The following NTNG1 variants were observed in gnomAD, a reference collection of about 807,000 sequenced individuals.
NTNG1 encodes the protein netrin G1, also known as netrin-G1.
A neutral mutation model predicts 54.0 loss-of-function variants in NTNG1; 16 were observed. That is an observed-to-expected ratio of 0.30 (90% CI 0.20 to 0.45). The LOEUF is 0.45. Among genes scored for constraint, NTNG1 ranks in the 20% least tolerant of loss-of-function variants. The pLI, the probability that NTNG1 is intolerant of heterozygous loss-of-function variation, is 1.00. For synonymous variants in NTNG1, 255 were observed against 263.1 expected (o/e 0.97, Z 0.30); for missense variants, 530 against 678.7 (o/e 0.78, Z 2.43).
intron 2 of NTNG1, among the ~76,000 whole-genome samples, chr1:107,307,102 T>C (rs1429809585): frequency 1.3e-5 from 2 of 152,210 alleles, no homozygotes; most frequent in Non-Finnish European, 2.9e-5. Flanking sequence ...TACTAAGAGA[T>C]AGGTATGATA....
chr1:107,183,068 A>G (rs180821145), intron 2 of NTNG1, among the ~76,000 whole-genome samples: 2 of 152,318 alleles, frequency 1.3e-5, no homozygotes, highest in Non-Finnish European at 2.9e-5. Flanking sequence ...GTAACAGAAG[A>G]CTGAACCGAT....
intron 2 of NTNG1, among the ~76,000 whole-genome samples, chr1:107,235,412 G>A (rs758329955): frequency 3.2e-4 from 49 of 152,292 alleles, no homozygotes; most frequent in Non-Finnish European, 5.4e-4. Context: ...AGCCGCTGGA[G>A]CCACATACTG....
At chr1:107,447,158 T>C (rs1676355339) in intron 7 of NTNG1, among the ~76,000 whole-genome samples, 1 of 152,084 alleles carries the variant, frequency 6.6e-6, no homozygotes, top group South Asian at 2.1e-4. Flanking sequence ...TGATGAAATA[T>C]TGATTTTATT....
chr1:107,241,783 T>C (rs777532259), intron 2 of NTNG1, among the ~76,000 whole-genome samples: 3 of 152,160 alleles, frequency 2.0e-5, no homozygotes, highest in Non-Finnish European at 4.4e-5. Flanking sequence ...GCCAGGAACA[T>C]ATTTTAGGGC....
At chr1:107,189,419 C>G (rs1425121583) in intron 2 of NTNG1, among the ~76,000 whole-genome samples, 1 of 134,410 alleles carries the variant, frequency 7.4e-6, no homozygotes, top group Non-Finnish European at 1.6e-5. Context: ...ATGTAAGTAA[C>G]TCTTAGTTTT....
At chr1:107,244,605 T>C (rs933705441) in intron 2 of NTNG1, among the ~76,000 whole-genome samples, 1 of 152,242 alleles carries the variant, frequency 6.6e-6, no homozygotes, top group African/African-American at 2.4e-5. Flanking sequence ...ATTATTTCAG[T>C]AATTTTGTAT....
chr1:107,148,987 T>A, intron 2 of NTNG1, 148 bp downstream of exon 2: 1 of 778,112 alleles, frequency 1.3e-6, no homozygotes, highest in Non-Finnish European at 2.1e-6. Flanking sequence ...TCTTTCTCAG[T>A]GGAGGCTTAC....
intron 2 of NTNG1, among the ~76,000 whole-genome samples, chr1:107,319,714 T>C (rs917139407): frequency 2.0e-5 from 3 of 152,120 alleles, no homozygotes; most frequent in African/African-American, 7.2e-5. Context: ...CTGCTTGGCA[T>C]GTAGCTTACA....
At chr1:107,209,245 T>C (rs1659432990) in intron 2 of NTNG1, among the ~76,000 whole-genome samples, 1 of 152,084 alleles carries the variant, frequency 6.6e-6, no homozygotes, top group Non-Finnish European at 1.5e-5. Flanking sequence ...AATTACACTA[T>C]GTGGATCTCT....
chr1:107,189,667 C>A (rs1657754777), intron 2 of NTNG1, among the ~76,000 whole-genome samples: 1 of 151,930 alleles, frequency 6.6e-6, no homozygotes, highest in Non-Finnish European at 1.5e-5. Context: ...AATGTATAAA[C>A]CATCAGTTGC....
At chr1:107,191,397 A>G (rs752850370) in intron 2 of NTNG1, among the ~76,000 whole-genome samples, 7,789 of 151,992 alleles carry the variant, frequency 0.051, 216 homozygotes, top group African/African-American at 0.076. Flanking sequence ...CTCTGATGGT[A>G]GTTTCTTTTG....
rs1178058921 is a variant in NTNG1 at position 107,240,419 on chromosome 1, G to C, written c.247-83863G>C. 2.0e-5 allele frequency among the ~76,000 whole-genome samples: 3 copies of C among 152,062 alleles called. 1 individual carries two copies. Among genetic ancestry groups the C allele is most frequent in the Admixed American group, 2.0e-4 (3 of 15,260 alleles). ...CAGTGTACCTGACCTTTGCACTCCAGAAGAGCCCAGAAGCCACCTTTGGGA... is the reference window on the plus strand; with the variant it reads ...CAGTGTACCTGACCTTTGCACTCCACAAGAGCCCAGAAGCCACCTTTGGGA... On this transcript the variant is annotated intron_variant, in intron 2 of 7. Transcript: ENST00000370068.
At chr1:107,431,092 T>G (rs1570946522) in intron 6 of NTNG1, among the ~76,000 whole-genome samples, 175 bp downstream of exon 6, 1 of 152,154 alleles carries the variant, frequency 6.6e-6, no homozygotes, top group Non-Finnish European at 1.5e-5. Context: ...GTTGAAATCA[T>G]AGTTGGGGGA....
chr1:107,252,157 AT>A (rs1305483655), intron 2 of NTNG1, among the ~76,000 whole-genome samples: 1 of 152,228 alleles, frequency 6.6e-6, no homozygotes, highest in Non-Finnish European at 1.5e-5. Flanking sequence ...TATAATAAGC[AT>A]TCTATACATT....
At position 107,278,325 on chromosome 1, in the gene NTNG1, T is replaced by C. The variant is rs575265444; in HGVS notation, c.247-45957T>C. ...TCCTTTAGCACCTATATAAGTATAC[T>C]CTACACTCTACTAGGTACTCTCTTA... On this transcript the variant is annotated intron_variant, in intron 2 of 7. Coordinates refer to ENST00000370068, the MANE Select transcript of NTNG1 (RefSeq NM_001113226.3). Among the ~76,000 whole-genome samples the C allele has an allele frequency of 2.0e-5, 3 of 152,362 alleles. No homozygotes were observed. The South Asian group carries it at 6.2e-4, about 32-fold the overall frequency.
chr1:107,278,731 C>G (rs1664647033), intron 2 of NTNG1, among the ~76,000 whole-genome samples: 1 of 151,962 alleles, frequency 6.6e-6, no homozygotes, highest in African/African-American at 2.4e-5. Context: ...AGTTTATCTC[C>G]TTTTTTCATT....
intron 2 of NTNG1, among the ~76,000 whole-genome samples, chr1:107,251,345 C>T (rs1662593112): frequency 6.6e-6 from 1 of 152,204 alleles, no homozygotes; most frequent in Non-Finnish European, 1.5e-5. Context: ...CTCCCCCTCA[C>T]ATACAATTAA....
intron 2 of NTNG1, among the ~76,000 whole-genome samples, chr1:107,216,766 C>T (rs1442713728): frequency 6.6e-6 from 1 of 151,806 alleles, no homozygotes; most frequent in Non-Finnish European, 1.5e-5. Context: ...CAACCTCTAC[C>T]TCCTGGGTTC....
At chr1:107,226,206 C>A (rs10748503) in intron 2 of NTNG1, among the ~76,000 whole-genome samples, 127,121 of 152,074 alleles carry the variant, frequency 0.84, 55,511 homozygotes, top group Non-Finnish European at 0.95. Context: ...TGTGGAACAA[C>A]AACAGAACCC....
Sources: gnomAD v4.1 joint callset for allele counts (sites outside exome capture counted in the v4.1 genomes callset) on GRCh38, gnomAD v4.1.1 for gene constraint, MANE v1.5 for transcripts, NCBI Gene and HGNC (gene_info 2026-07-23, HGNC 2026-07-21) for gene names.